The following BCAT1 variants were observed in gnomAD, a reference collection of about 807,000 sequenced individuals.
BCAT1 encodes branched chain amino acid transaminase 1.
In BCAT1, 48 loss-of-function variants were observed where a neutral mutation model predicts 52.4. The observed-to-expected ratio is 0.92, with a 90% CI of 0.73 to 1.16. The LOEUF is 1.16. Ranked by LOEUF, BCAT1 falls within the 50% of genes most tolerant of loss-of-function variation. The pLI is 0.00. For synonymous variants in BCAT1, 167 were observed against 161.3 expected, an observed-to-expected ratio of 1.04 and a Z score of -0.27; for missense variants, 451 against 457.1, an observed-to-expected ratio of 0.99 and a Z score of 0.12.
intron 5 of BCAT1, among the ~76,000 whole-genome samples, chr12:24,865,489 T>C (rs1426590718): frequency 1.3e-5 from 2 of 152,204 alleles, no homozygotes; most frequent in Admixed American, 6.5e-5. Context: ...CCTACATCTT[T>C]AAGGCTCCCA....
intron 2 of BCAT1, among the ~76,000 whole-genome samples, chr12:24,896,057 T>C (rs1942953146): frequency 6.6e-6 from 1 of 152,162 alleles, no homozygotes; most frequent in Non-Finnish European, 1.5e-5. Flanking sequence ...ACTCACTATG[T>C]TGCCCAGGCT....
intron 5 of BCAT1, among the ~76,000 whole-genome samples, chr12:24,855,219 A>G (rs1424284981): frequency 2.0e-5 from 3 of 151,584 alleles, no homozygotes; most frequent in Non-Finnish European, 4.4e-5. Flanking sequence ...TCACCATCAT[A>G]TGGATCCTCC....
chr12:24,902,951 CG>C (rs1261889464), intron 1 of BCAT1: 37 of 1,506,708 alleles, frequency 2.5e-5, no homozygotes, highest in Middle Eastern at 1.7e-4. Flanking sequence ...AGGTACCTGG[CG>C]GGCAAGGGCC....
chr12:24,925,455 T>C (rs975321403), intron 1 of BCAT1, among the ~76,000 whole-genome samples: 4 of 152,166 alleles, frequency 2.6e-5, no homozygotes, highest in Non-Finnish European at 4.4e-5. Context: ...ATTATAGATA[T>C]AGATATAGAT....
chr12:24,938,948 C>A (rs1943809713), intron 1 of BCAT1, among the ~76,000 whole-genome samples: 1 of 152,130 alleles, frequency 6.6e-6, no homozygotes, highest in African/African-American at 2.4e-5. Context: ...AATCTCAGCT[C>A]ACTGTAGCCT....
intron 3 of BCAT1, among the ~76,000 whole-genome samples, chr12:24,890,808 T>C (rs967868760): frequency 1.3e-5 from 2 of 152,198 alleles, no homozygotes; most frequent in Non-Finnish European, 2.9e-5. Flanking sequence ...GTAGCCATTC[T>C]TTTTTTCCTT....
chr12:24,878,542 G>C lies in BCAT1; in HGVS notation c.498C>G (p.Phe166Leu), dbSNP rs919758787. 1.2e-6 allele frequency: 2 copies of C among 1,607,276 alleles called. No individual in the cohort carries two copies. Among genetic ancestry groups the C allele is most frequent in the Non-Finnish European group, 1.7e-6 (2 of 1,177,762 alleles). The part of the protein sequence containing the change: ...TSASLYIRPT[F>L]IGTEPSLGVK... Reference sequence around the variant, plus strand: ...AGTCAGTTTGCACCTCAGTTCCAATGAATGTAGGACGAATATACAGACTAG... The same window carrying C: ...AGTCAGTTTGCACCTCAGTTCCAATCAATGTAGGACGAATATACAGACTAG... Residue 166 changes from phenylalanine (F) to leucine (L), a missense_variant, in exon 5 of 11, where the codon TTC (phenylalanine) becomes TTG (leucine). By Grantham distance (22) the Phe-to-Leu change is conservative. Coordinates refer to ENST00000261192, the MANE Select transcript of BCAT1 (RefSeq NM_005504.7).
At chr12:24,875,852 T>C (rs1190013435) in intron 5 of BCAT1, among the ~76,000 whole-genome samples, 1 of 152,202 alleles carries the variant, frequency 6.6e-6, no homozygotes, top group Non-Finnish European at 1.5e-5. Context: ...TGGAATTAGA[T>C]ACATAGATGT....
At position 24,949,023 on chromosome 12, in the gene BCAT1, G is replaced by GAGA; in HGVS notation, c.-92_-91insTCT. ...GGCCGTGTGGACCGGGTCTGCGGCT[G>GAGA]CAGAGCGCGGTCCCGGCTGCAGCAA... On this transcript the variant is annotated 5_prime_UTR_variant, in exon 1 of 11. Transcript: ENST00000261192. 2.1e-6 allele frequency: 3 copies of GAGA among 1,399,180 alleles called. No homozygotes were observed. The highest frequency in any genetic ancestry group is 3.0e-6 in the Non-Finnish European group (3 of 1,013,536). 86.7% of individuals were successfully genotyped at this position (1,399,180 alleles called of 1,614,324 possible).
chr12:24,854,881 T>C (rs1226504432), intron 5 of BCAT1, among the ~76,000 whole-genome samples: 1 of 151,832 alleles, frequency 6.6e-6, no homozygotes, highest in Non-Finnish European at 1.5e-5. Context: ...CAAGATCTCC[T>C]TACTTTAAGA....
At chr12:24,903,109 C>G (rs1183653622) in intron 1 of BCAT1, 13 of 1,330,876 alleles carry the variant, frequency 9.8e-6, no homozygotes, top group Non-Finnish European at 1.2e-5. Context: ...CTGGGTACCA[C>G]GACCTGGGGC....
At chr12:24,910,437 AG>A (rs1350717908) in intron 1 of BCAT1, among the ~76,000 whole-genome samples, 3 of 152,010 alleles carry the variant, frequency 2.0e-5, no homozygotes, top group Non-Finnish European at 4.4e-5. Context: ...TATTGTTTTA[AG>A]GCCACAAAGT....
intron 5 of BCAT1, among the ~76,000 whole-genome samples, chr12:24,861,134 C>T (rs911687470): frequency 6.6e-6 from 1 of 152,130 alleles, no homozygotes; most frequent in African/African-American, 2.4e-5. Flanking sequence ...AACTCTAGTC[C>T]CATTCATTGT....
At chr12:24,823,170 C>A (rs958042572) in intron 10 of BCAT1, among the ~76,000 whole-genome samples, 13 of 151,976 alleles carry the variant, frequency 8.6e-5, no homozygotes, top group African/African-American at 3.1e-4. Flanking sequence ...CATCTTCCCA[C>A]CTCAACCTGT....
chr12:24,880,434 G>A (rs1178045886), intron 4 of BCAT1, among the ~76,000 whole-genome samples: 1 of 152,092 alleles, frequency 6.6e-6, no homozygotes, highest in Non-Finnish European at 1.5e-5. Context: ...TATAGCTTGG[G>A]TGACAGAGTG....
rs1397968997 is a variant in BCAT1 at position 24,810,841 on chromosome 12, A to G, written c.*7167T>C. On this transcript the variant is annotated 3_prime_UTR_variant, in exon 11 of 11. Transcript: ENST00000261192. ...ATGTGTGACCCTTGGGTAATTCTGCACTTGGCTTTGTTCTCCCTTGGTGCT... is the reference window on the plus strand; with the variant it reads ...ATGTGTGACCCTTGGGTAATTCTGCGCTTGGCTTTGTTCTCCCTTGGTGCT... 2.0e-5 allele frequency: 3 copies of G among 152,242 alleles called. No individual in the cohort carries two copies. The highest frequency in any genetic ancestry group is 2.9e-5 in the Non-Finnish European group (2 of 68,042). The allele number at this position is 152,242 out of a possible 1,614,324, so 9.4% of individuals were successfully genotyped here.
At chr12:24,839,736 G>A (rs909084028) in intron 7 of BCAT1, among the ~76,000 whole-genome samples, 3 of 152,122 alleles carry the variant, frequency 2.0e-5, no homozygotes, top group East Asian at 1.9e-4. Context: ...ATGAAAAGAC[G>A]GCAGGCTATT....
rs71448093 is a variant in BCAT1, at chr12:24,876,260, T to TAAA, written c.510+2267_510+2269dup. On this transcript the variant is annotated intron_variant, in intron 5 of 10. Transcript: ENST00000261192. ...GATCAAGAGGAAGAGGAGGGAGATG[T>TAAA]AAAAAAAAAAAAAAAAAAGAAAGAA... 8.5e-3 allele frequency among the ~76,000 whole-genome samples: 932 copies of TAAA among 109,798 alleles called. 15 individuals are homozygous for TAAA. Among genetic ancestry groups the TAAA allele is most frequent in the African/African-American group, 0.03 (852 of 28,450 alleles). 72.0% of individuals were successfully genotyped at this position (109,798 alleles called of 152,430 possible).
At chr12:24,854,086 G>T (rs1415860731) in intron 5 of BCAT1, among the ~76,000 whole-genome samples, 1 of 152,170 alleles carries the variant, frequency 6.6e-6, no homozygotes, top group Non-Finnish European at 1.5e-5. Flanking sequence ...TGCATAGAAG[G>T]ACAAGACACT....
Sources: allele counts gnomAD v4.1 joint callset (sites outside exome capture counted in the v4.1 genomes callset), GRCh38; gene constraint gnomAD v4.1.1; transcripts MANE v1.5; gene names NCBI Gene and HGNC (gene_info 2026-07-23, HGNC 2026-07-21).